Variants in TRAP1 observed in about 807,000 individuals in gnomAD.
The protein encoded by TRAP1 is TNF receptor associated protein 1.
TRAP1 carries 102 observed loss-of-function variants against 89.1 expected under a neutral mutation model. That is an observed-to-expected ratio of 1.15 (90% CI 0.98 to 1.35). The LOEUF (loss-of-function observed/expected upper bound fraction) is 1.35, where lower values mean the gene tolerates loss of function less well. Ranked by LOEUF, TRAP1 falls within the 40% of genes most tolerant of loss-of-function variation. TRAP1 has a pLI of 0.00. For synonymous variants in TRAP1, 508 were observed against 388.0 expected, an observed-to-expected ratio of 1.31 and a Z score of -3.64; for missense variants, 1,256 against 945.3, an observed-to-expected ratio of 1.33 and a Z score of -4.31.
chr16:3,679,949 G>T, intron 4 of TRAP1, 159 bp from the exon 5 acceptor site: 3 of 667,044 alleles, frequency 4.5e-6, no homozygotes, highest in East Asian at 2.8e-5. Flanking sequence ...AATTCTAGGG[G>T]CCGGGAGTGA....
At chr16:3,662,647 T>A (rs1292107553) in intron 15 of TRAP1, 3 of 678,648 alleles carry the variant, frequency 4.4e-6, no homozygotes, top group Non-Finnish European at 8.1e-6. Flanking sequence ...GTTTTTCAGT[T>A]CTCAGTTCAC....
chr16:3,661,994 T>G lies in TRAP1; in HGVS notation c.1933A>C (p.Asn645His). ...AQLLQPTLEI[N>H]PRHALIKKLN... ...CCAGGAGCGTGGCCTCACCTGGGGT[T>G]GATCTCCAGCGTGGGCTGCAGGAGC... Residue 645 changes from asparagine (N) to histidine (H), a missense_variant, in exon 16 of 18, where the codon AAC (asparagine) becomes CAC (histidine). Coordinates refer to ENST00000246957, the MANE Select transcript of TRAP1 (RefSeq NM_016292.3). 6.2e-7 allele frequency: 1 copy of G among 1,606,690 alleles called. No individual in the cohort carries two copies. Among genetic ancestry groups the G allele is most frequent in the Non-Finnish European group, 8.5e-7 (1 of 1,176,070 alleles).
Position 3,663,897 on chromosome 16 carries a change from TA to T in TRAP1, c.1570-336del. ...GACCAACATGGTGAAATGCCGTCTC[TA>T]TTAAAAATACAAAAATTTGCTGGGT... is the stretch of plus-strand genomic sequence containing the variant. On this transcript the variant is annotated intron_variant, in intron 13 of 17. Transcript: ENST00000246957. 4 of 360,184 alleles carry T rather than the reference TA, an allele frequency of 1.1e-5. No homozygotes were observed. The South Asian group carries it at 1.4e-4, about 13-fold the overall frequency. The allele number at this position is 360,184 out of a possible 1,614,324, so 22.3% of individuals were successfully genotyped here.
chr16:3,663,493 GCTT>G lies in TRAP1; in HGVS notation c.1636_1638del (p.Lys546del), dbSNP rs772605434. The G allele has an allele frequency of 5.0e-5, 80 of 1,614,070 alleles. 1 individual carries two copies. Among genetic ancestry groups the G allele is most frequent in the South Asian group, 4.3e-4 (39 of 91,090 alleles). Reference sequence around the variant, plus strand: ...ACTATGTCCGTCTCCACAGAGATCAGCTTCTTCTTGTCAAACTCACGAAGGTGC... The same window carrying G: ...ACTATGTCCGTCTCCACAGAGATCAGCTTCTTGTCAAACTCACGAAGGTGC... On this transcript the variant is annotated inframe_deletion, in exon 14 of 18. Coordinates refer to ENST00000246957, the MANE Select transcript of TRAP1 (RefSeq NM_016292.3).
rs915364277 is a variant in TRAP1 at position 3,697,394 on chromosome 16, G to A, written c.89-6409C>T. ...TTAAGGAAATTAGTCGCCAGGAGCG[G>A]TGGCTCACACCTGTAATCCCAGCAC... On this transcript the variant is annotated intron_variant, in intron 1 of 17. Transcript: ENST00000246957. 3.9e-5 allele frequency among the ~76,000 whole-genome samples: 6 copies of A among 152,168 alleles called. No individual in the cohort carries two copies. The South Asian group carries it at 8.3e-4, about 21-fold the overall frequency.
chr16:3,664,250 C>A, intron 13 of TRAP1, 24 bp downstream of exon 13: 1 of 1,538,272 alleles, frequency 6.5e-7, no homozygotes. Flanking sequence ...CCCCCGGAGC[C>A]CGCCCCACCC....
rs185660659 is a variant in TRAP1 at position 3,664,736 on chromosome 16, C to T, written c.1384-277G>A. 1.6e-3 allele frequency: 653 copies of T among 407,810 alleles called. 5 individuals carry two copies. Among genetic ancestry groups the T allele is most frequent in the African/African-American group, 0.013 (606 of 47,598 alleles). The allele number at this position is 407,810 out of a possible 1,614,324, so 25.3% of individuals were successfully genotyped here. A position where few individuals can be genotyped will look rare whatever the true frequency, so the allele number is the denominator to read the frequency against. ...ACGCGCACCACGCCCTGGGAGGGGACCCCACCCAACAGCAGAGCCCGGCCT... is the reference window on the plus strand; with the variant it reads ...ACGCGCACCACGCCCTGGGAGGGGATCCCACCCAACAGCAGAGCCCGGCCT... On this transcript the variant is annotated intron_variant, in intron 12 of 17. Coordinates refer to ENST00000246957, the MANE Select transcript of TRAP1 (RefSeq NM_016292.3).
intron 12 of TRAP1, 36 bp from the exon 13 acceptor site, chr16:3,664,495 G>A: frequency 6.3e-7 from 1 of 1,576,556 alleles, no homozygotes; most frequent in Non-Finnish European, 8.6e-7. Context: ...CTTATTCCAG[G>A]CCCATGGGCT....
chr16:3,675,967 C>T (rs930677622), intron 7 of TRAP1, 69 bp downstream of exon 7: 6 of 1,369,326 alleles, frequency 4.4e-6, no homozygotes, highest in South Asian at 1.3e-5. Context: ...GGGAAAATGC[C>T]TGCTGACCTG....
chr16:3,667,546 A>T (rs993606376), intron 11 of TRAP1, among the ~76,000 whole-genome samples: 2 of 151,362 alleles, frequency 1.3e-5, no homozygotes, highest in African/African-American at 4.9e-5. Flanking sequence ...AATCGCTTGA[A>T]TCCGGGAGGC....
At chr16:3,671,639 C>G in intron 11 of TRAP1, 83 bp downstream of exon 11, 1 of 1,478,940 alleles carries the variant, frequency 6.8e-7, no homozygotes, top group Non-Finnish European at 9.2e-7. Flanking sequence ...CTCCATGGGC[C>G]ACGGCTAGGG....
rs763203458 is a variant in TRAP1, at chr16:3,676,084, G to T, written c.766C>A (p.His256Asn). 3 of 1,613,944 alleles carry T rather than the reference G, an allele frequency of 1.9e-6. No individual in the cohort carries two copies. The East Asian group carries it at 6.7e-5, about 36-fold the overall frequency. Reference sequence around the variant, plus strand: ...AACTCCTTGCAGTCGGATTTCAGGTGGATGATGATTTTTGTCCCGGTTCTA... The same window carrying T: ...AACTCCTTGCAGTCGGATTTCAGGTTGATGATGATTTTTGTCCCGGTTCTA... ...GVRTGTKIII[H>N]LKSDCKEFSS... The change falls in exon 7 of 18, where the codon CAC (histidine) becomes AAC (asparagine). Residue 256 changes from histidine (H) to asparagine (N), a missense_variant. Physicochemically the swap from His to Asn is moderately conservative, Grantham distance 68 (BLOSUM62 1). Transcript: ENST00000246957.
chr16:3,714,113 T>A (rs1258136402), intron 1 of TRAP1, among the ~76,000 whole-genome samples: 4 of 152,098 alleles, frequency 2.6e-5, no homozygotes, highest in African/African-American at 9.7e-5. Context: ...CCTTGGACAC[T>A]CGGCCCAAAT....
chr16:3,696,007 A>G (rs1342452521), intron 1 of TRAP1, among the ~76,000 whole-genome samples: 1 of 152,142 alleles, frequency 6.6e-6, no homozygotes, highest in Non-Finnish European at 1.5e-5. Flanking sequence ...ACATTTACAC[A>G]CACACATTTC....
intron 15 of TRAP1, chr16:3,662,659 C>T (rs1308096432): frequency 1.5e-6 from 1 of 687,388 alleles, no homozygotes. Context: ...TCAGTTCACA[C>T]CTGCTCTGGA....
At chr16:3,692,691 C>T (rs1309477248) in intron 1 of TRAP1, among the ~76,000 whole-genome samples, 5 of 149,088 alleles carry the variant, frequency 3.4e-5, no homozygotes, top group African/African-American at 4.9e-5. Context: ...CTCCACCTCC[C>T]GGGTTCAAGC....
chr16:3,695,433 G>A (rs377271364), intron 1 of TRAP1, among the ~76,000 whole-genome samples: 13 of 151,950 alleles, frequency 8.6e-5, no homozygotes, highest in East Asian at 3.9e-4. Flanking sequence ...CTACTCGGGA[G>A]GCCGAGGTGG....
rs1159525931 is a variant in TRAP1 at position 3,677,373 on chromosome 16, C to A, written c.704+125G>T. The A allele has an allele frequency of 6.1e-6, 8 of 1,307,338 alleles. 1 individual carries two copies. In the Admixed American group the frequency reaches 8.2e-5, roughly 13 times the overall value. 81.0% of individuals were successfully genotyped at this position (1,307,338 alleles called of 1,614,324 possible). The stretch of plus-strand genomic sequence containing the variant: ...CACTAACTCCCCAAAATGGGAGAGT[C>A]AGATTTCATATAAAAAGCCCAGAAA... On this transcript the variant is annotated intron_variant, in intron 6 of 17. Coordinates refer to ENST00000246957, the MANE Select transcript of TRAP1 (RefSeq NM_016292.3).
intron 1 of TRAP1, among the ~76,000 whole-genome samples, chr16:3,693,795 C>G (rs928911879): frequency 3.3e-5 from 5 of 151,968 alleles, no homozygotes; most frequent in African/African-American, 1.2e-4. Context: ...GGGTTTAAGA[C>G]CAGCCTGGGC....
Sources: gnomAD v4.1 joint callset for allele counts (sites outside exome capture counted in the v4.1 genomes callset) on GRCh38, gnomAD v4.1.1 for gene constraint, MANE v1.5 for transcripts, NCBI Gene and HGNC (gene_info 2026-07-23, HGNC 2026-07-21) for gene names.